MECOM: variants seen among roughly 807,000 people sequenced by gnomAD.
MECOM encodes histone-lysine N-methyltransferase MECOM.
MECOM carries 13 observed loss-of-function variants against 116.3 expected under a neutral mutation model. The ratio of observed to expected loss-of-function variants is 0.11; its 90% CI spans 0.07 to 0.18. MECOM has a LOEUF of 0.18. Ranked by LOEUF, MECOM falls within the 10% of genes least tolerant of loss-of-function variation. The pLI is 1.00. For missense variants in MECOM, 1,299 were observed against 1,509.0 expected (o/e 0.86, Z 2.31); for synonymous variants, 528 against 535.2 (o/e 0.99, Z 0.19).
chr3:169,641,090 C>A (rs1163082418), intron 1 of MECOM, among the ~76,000 whole-genome samples: 2 of 152,072 alleles, frequency 1.3e-5, no homozygotes, highest in Non-Finnish European at 2.9e-5. Context: ...CTAAGGGCCA[C>A]CCTAAGATTG....
chr3:169,481,084 C>A (rs902798511), intron 1 of MECOM, among the ~76,000 whole-genome samples: 4 of 151,652 alleles, frequency 2.6e-5, no homozygotes, highest in Admixed American at 1.3e-4. Flanking sequence ...ACCTGCCCCC[C>A]CAAAAAAGCA....
At chr3:169,099,856 T>C (rs1383788973) in intron 12 of MECOM, among the ~76,000 whole-genome samples, 1 of 152,098 alleles carries the variant, frequency 6.6e-6, no homozygotes, top group Non-Finnish European at 1.5e-5. Context: ...AAGAGTAATG[T>C]TGTCTATTTT....
intron 2 of MECOM, among the ~76,000 whole-genome samples, chr3:169,320,972 G>A (rs1720745516): frequency 6.6e-6 from 1 of 152,072 alleles, no homozygotes; most frequent in Admixed American, 6.6e-5. Flanking sequence ...GGCTCAGAGG[G>A]GCTAATAACT....
intron 1 of MECOM, among the ~76,000 whole-genome samples, chr3:169,438,721 C>A (rs959490318): frequency 1.3e-5 from 2 of 152,104 alleles, no homozygotes; most frequent in African/African-American, 4.8e-5. Flanking sequence ...ACAGCCAGCA[C>A]GTGAAGAAAT....
At chr3:169,128,765 A>G (rs1733723450) in intron 4 of MECOM, among the ~76,000 whole-genome samples, 2 of 152,242 alleles carry the variant, frequency 1.3e-5, no homozygotes, top group African/African-American at 2.4e-5. Context: ...TAGAAAACAT[A>G]TCATTAATTT....
At chr3:169,162,101 C>G (rs1292823801) in intron 2 of MECOM, among the ~76,000 whole-genome samples, 1 of 152,178 alleles carries the variant, frequency 6.6e-6, no homozygotes, top group African/African-American at 2.4e-5. Context: ...GCAATAGATA[C>G]CAAGCACACC....
rs192060522 is a variant in MECOM, at chr3:169,525,393, G to A, written c.37+137943C>T. Among the ~76,000 whole-genome samples, 4 of 152,330 alleles carry A rather than the reference G, an allele frequency of 2.6e-5. No homozygotes were observed. In the East Asian group the frequency reaches 7.7e-4, roughly 29 times the overall value. On this transcript the variant is annotated intron_variant, in intron 1 of 16. Transcript: ENST00000651503. ...TTTTAAATTTTACATGCTCTGCTATGTGAGTAAATCTTTCGTAGTAATTCT... is the reference window on the plus strand; with the variant it reads ...TTTTAAATTTTACATGCTCTGCTATATGAGTAAATCTTTCGTAGTAATTCT...
chr3:169,648,156 T>C (rs1029962202), intron 1 of MECOM, among the ~76,000 whole-genome samples: 7 of 152,190 alleles, frequency 4.6e-5, no homozygotes, highest in African/African-American at 1.7e-4. Context: ...GAAACAAATG[T>C]CACATTCTAC....
At chr3:169,432,143 A>G (rs1741744570) in intron 1 of MECOM, among the ~76,000 whole-genome samples, 1 of 151,180 alleles carries the variant, frequency 6.6e-6, no homozygotes, top group Non-Finnish European at 1.5e-5. Flanking sequence ...TTCCACTGTC[A>G]TTTTTGTGAT....
chr3:169,115,277 T>A, intron 8 of MECOM, 106 bp downstream of exon 8: 1 of 1,216,546 alleles, frequency 8.2e-7, no homozygotes, highest in Non-Finnish European at 1.1e-6. Flanking sequence ...TTCACTCTGT[T>A]TTATAATAAT....
At chr3:169,178,496 C>G (rs1308400981) in intron 2 of MECOM, among the ~76,000 whole-genome samples, 1 of 152,076 alleles carries the variant, frequency 6.6e-6, no homozygotes, top group Non-Finnish European at 1.5e-5. Context: ...CAGGTGTAAC[C>G]TAGAAGCTTG....
intron 1 of MECOM, among the ~76,000 whole-genome samples, chr3:169,430,272 T>A (rs1019430059): frequency 6.6e-6 from 1 of 152,190 alleles, no homozygotes; most frequent in Admixed American, 6.5e-5. Flanking sequence ...TTTTGGAAGC[T>A]GCATCCTATG....
At chr3:169,494,181 G>C (rs148520837) in intron 1 of MECOM, among the ~76,000 whole-genome samples, 2 of 151,858 alleles carry the variant, frequency 1.3e-5, no homozygotes, top group African/African-American at 2.4e-5. Flanking sequence ...TAAAACAGGG[G>C]ACAATCTCAG....
chr3:169,311,020 G>A (rs556292892), intron 2 of MECOM, among the ~76,000 whole-genome samples: 9 of 152,300 alleles, frequency 5.9e-5, no homozygotes, highest in South Asian at 4.1e-4. Context: ...CATGAAAGCC[G>A]TGGGAAAACA....
At chr3:169,405,519 C>T (rs956832717) in intron 1 of MECOM, among the ~76,000 whole-genome samples, 4 of 152,186 alleles carry the variant, frequency 2.6e-5, no homozygotes, top group African/African-American at 9.7e-5. Flanking sequence ...GATGGGGAGA[C>T]TCTCAAGGCT....
intron 2 of MECOM, among the ~76,000 whole-genome samples, chr3:169,155,852 G>C (rs574995397): frequency 1.3e-5 from 2 of 152,102 alleles, no homozygotes; most frequent in East Asian, 1.9e-4. Flanking sequence ...CACTGACAGC[G>C]TTCAGGAGAT....
chr3:169,346,484 A>T (rs987695711), intron 2 of MECOM, among the ~76,000 whole-genome samples: 1 of 152,098 alleles, frequency 6.6e-6, no homozygotes, highest in African/African-American at 2.4e-5. Flanking sequence ...TTCTTAATGT[A>T]CTACAGTAAG....
intron 10 of MECOM, among the ~76,000 whole-genome samples, chr3:169,105,556 G>A (rs962560466): frequency 1.3e-5 from 2 of 152,086 alleles, no homozygotes; most frequent in Non-Finnish European, 2.9e-5. Flanking sequence ...AGAGCAATAT[G>A]TACTACTAGG....
intron 1 of MECOM, among the ~76,000 whole-genome samples, chr3:169,663,129 C>T (rs949232970): frequency 1.3e-5 from 2 of 150,780 alleles, no homozygotes; most frequent in African/African-American, 4.9e-5. Flanking sequence ...TGCCCAGGCT[C>T]CTCCGGCGCC....
Sources: allele counts gnomAD v4.1 joint callset (sites outside exome capture counted in the v4.1 genomes callset), GRCh38; gene constraint gnomAD v4.1.1; transcripts MANE v1.5; gene names NCBI Gene and HGNC (gene_info 2026-07-23, HGNC 2026-07-21).